Variants in TBL1XR1 observed in about 807,000 individuals in gnomAD.
TBL1XR1 encodes the protein TBL1X/Y related 1.
TBL1XR1 carries 5 observed loss-of-function variants against 66.9 expected under a neutral mutation model. That is an observed-to-expected ratio of 0.07 (90% CI 0.04 to 0.16). The LOEUF (loss-of-function observed/expected upper bound fraction) is 0.16, where lower values mean the gene tolerates loss of function less well. Ranked by LOEUF, TBL1XR1 falls within the 10% of genes least tolerant of loss-of-function variation. The pLI is 1.00. For synonymous variants in TBL1XR1, 210 were observed against 206.0 expected (o/e 1.02, Z -0.17); for missense variants, 238 against 623.2 (o/e 0.38, Z 6.58).
intron 2 of TBL1XR1, among the ~76,000 whole-genome samples, chr3:177,073,648 C>A (rs1720325656): frequency 6.6e-6 from 1 of 152,310 alleles, no homozygotes; most frequent in South Asian, 2.1e-4. Flanking sequence ...TGCCACTGTT[C>A]TAGGCCCTTA....
intron 1 of TBL1XR1, among the ~76,000 whole-genome samples, chr3:177,103,731 C>T (rs1299422574): frequency 6.6e-6 from 1 of 152,160 alleles, no homozygotes; most frequent in Non-Finnish European, 1.5e-5. Flanking sequence ...TAGCAACACA[C>T]TCTAATCTAG....
At chr3:177,050,843 T>A (rs1716977093) in intron 5 of TBL1XR1, among the ~76,000 whole-genome samples, 2 of 146,606 alleles carry the variant, frequency 1.4e-5, no homozygotes, top group Non-Finnish European at 1.5e-5. Flanking sequence ...GGGGTGGGAG[T>A]GGGATGGGAG....
chr3:177,069,796 GGAAGGAA>G (rs1719688944), intron 2 of TBL1XR1, among the ~76,000 whole-genome samples: 1 of 68,264 alleles, frequency 1.5e-5, no homozygotes, highest in Non-Finnish European at 3.4e-5. Flanking sequence ...AGGAAGGAAA[GGAAGGAA>G]GGAAGGAAGG....
chr3:177,065,100 T>C, intron 2 of TBL1XR1, 78 bp from the exon 3 acceptor site: 1 of 950,804 alleles, frequency 1.1e-6, no homozygotes, highest in Non-Finnish European at 1.4e-6. Context: ...TAAAAACCAT[T>C]TGATTTTATT....
chr3:177,054,011 C>T (rs1477471930), intron 3 of TBL1XR1, 93 bp from the exon 4 acceptor site: 13 of 1,326,860 alleles, frequency 9.8e-6, no homozygotes, highest in Admixed American at 2.3e-5. Context: ...CTTTTCAAAT[C>T]CCATCCTACC....
intron 1 of TBL1XR1, among the ~76,000 whole-genome samples, chr3:177,118,720 C>T (rs1726610559): frequency 6.6e-6 from 1 of 152,110 alleles, no homozygotes; most frequent in Non-Finnish European, 1.5e-5. Flanking sequence ...GTCAAGAAAC[C>T]ACCCTGAAGT....
chr3:177,047,606 G>T, intron 7 of TBL1XR1, 57 bp from the exon 8 acceptor site: 6 of 1,527,818 alleles, frequency 3.9e-6, no homozygotes, highest in Non-Finnish European at 1.8e-6. Context: ...TTTAATTGTT[G>T]TTAAAGTATT....
intron 14 of TBL1XR1, among the ~76,000 whole-genome samples, chr3:177,030,448 G>A (rs1336303936): frequency 6.6e-6 from 1 of 151,996 alleles, no homozygotes; most frequent in Non-Finnish European, 1.5e-5. Context: ...ACAACAGCAT[G>A]ATTAATTACA....
At chr3:177,165,899 C>G (rs1257965734) in intron 1 of TBL1XR1, among the ~76,000 whole-genome samples, 1 of 151,550 alleles carries the variant, frequency 6.6e-6, no homozygotes, top group Non-Finnish European at 1.5e-5. Flanking sequence ...GAGTTCAAGA[C>G]CAGCCTAGGC....
At chr3:177,189,893 A>G (rs1472535039) in intron 1 of TBL1XR1, among the ~76,000 whole-genome samples, 1 of 152,102 alleles carries the variant, frequency 6.6e-6, no homozygotes, top group Non-Finnish European at 1.5e-5. Context: ...GAATGCTGTA[A>G]AACAGTGAGA....
intron 1 of TBL1XR1, among the ~76,000 whole-genome samples, chr3:177,181,937 C>A (rs6764115): frequency 6.6e-6 from 1 of 151,918 alleles, no homozygotes; most frequent in East Asian, 1.9e-4. Context: ...TTAACTGCTA[C>A]GGTCAGGCCA....
intron 1 of TBL1XR1, among the ~76,000 whole-genome samples, chr3:177,143,900 G>A (rs747951755): frequency 1.8e-4 from 28 of 152,206 alleles, no homozygotes; most frequent in Non-Finnish European, 3.7e-4. Context: ...TCATGCCACA[G>A]ATATACGAGG....
At position 177,092,579 on chromosome 3, in the gene TBL1XR1, T is replaced by C. The variant is rs1295391154; in HGVS notation, c.-46+5887A>G. 2.0e-5 allele frequency among the ~76,000 whole-genome samples: 3 copies of C among 152,278 alleles called. No individual in the cohort carries two copies. The East Asian group carries it at 5.8e-4, about 29-fold the overall frequency. On this transcript the variant is annotated intron_variant, in intron 2 of 15. Transcript: ENST00000457928. ...GATAGTTGGTAGTGTAAAGAAATTA[T>C]TGTCAGCACCTCACATCCATTAAGA...
Position 177,074,465 on chromosome 3 carries a change from G to A in TBL1XR1, c.-45-9443C>T, listed in dbSNP as rs189124588. On this transcript the variant is annotated intron_variant, in intron 2 of 15. Transcript: ENST00000457928. ...TGTGAGTAAGCACAGCTCTCCCTAC[G>A]CTTCTATCAACGCTTTCCCTAGATC... Among the ~76,000 whole-genome samples the A allele has an allele frequency of 3.3e-5, 5 of 152,182 alleles. No individual in the cohort carries two copies. In the East Asian group the frequency reaches 9.6e-4, roughly 29 times the overall value.
chr3:177,123,227 T>C (rs1247181695), intron 1 of TBL1XR1, among the ~76,000 whole-genome samples: 4 of 152,142 alleles, frequency 2.6e-5, no homozygotes. Context: ...AGAACTCATA[T>C]CATACTAAAA....
Position 177,023,810 on chromosome 3 carries a change from ATAAT to A in TBL1XR1, c.*1684_*1687del, listed in dbSNP as rs1221968952. The stretch of plus-strand genomic sequence containing the variant: ...AATTTTAGTACTAAAAGGCCTCAAA[ATAAT>A]TAGTGACAGAAATAGTGTTATTAAT... On this transcript the variant is annotated 3_prime_UTR_variant, in exon 16 of 16. Transcript: ENST00000457928. 1 of 152,452 alleles carries A rather than the reference ATAAT, an allele frequency of 6.6e-6. No individual in the cohort carries two copies. Among genetic ancestry groups the A allele is most frequent in the Non-Finnish European group, 1.5e-5 (1 of 67,926 alleles). 9.4% of individuals were successfully genotyped at this position (152,452 alleles called of 1,614,324 possible).
chr3:177,127,391 T>C (rs548821430), intron 1 of TBL1XR1, among the ~76,000 whole-genome samples: 1 of 152,322 alleles, frequency 6.6e-6, no homozygotes, highest in Admixed American at 6.5e-5. Flanking sequence ...GTCTGCCCTT[T>C]ATAGAGTGTG....
intron 1 of TBL1XR1, among the ~76,000 whole-genome samples, chr3:177,151,241 A>AT (rs1461718548): frequency 1.3e-5 from 2 of 152,188 alleles, no homozygotes; most frequent in African/African-American, 4.8e-5. Flanking sequence ...CTGATGAAGT[A>AT]TTTTTCAAGT....
At position 177,044,455 on chromosome 3, in the gene TBL1XR1, A is replaced by G. The variant is rs369256085; in HGVS notation, c.925+1674T>C. On this transcript the variant is annotated intron_variant, in intron 10 of 15. Coordinates refer to ENST00000457928, the MANE Select transcript of TBL1XR1 (RefSeq NM_024665.7). ...TTATGCAGAATGAAGACAGACCAAA[A>G]AAGAGTATATACTGTATGATCCCAA... Among the ~76,000 whole-genome samples the G allele has an allele frequency of 2.6e-5, 4 of 152,318 alleles. No individual in the cohort carries two copies. The South Asian group carries it at 8.3e-4, about 32-fold the overall frequency.
Sources: gnomAD v4.1 joint callset for allele counts (sites outside exome capture counted in the v4.1 genomes callset) on GRCh38, gnomAD v4.1.1 for gene constraint, MANE v1.5 for transcripts, NCBI Gene and HGNC (gene_info 2026-07-23, HGNC 2026-07-21) for gene names.